PPA2: variants seen among roughly 807,000 people sequenced by gnomAD.
PPA2 encodes the protein inorganic pyrophosphatase 2, mitochondrial.
Under a neutral mutation model 49.5 loss-of-function variants are expected in PPA2, and 48 were observed. That is an observed-to-expected ratio of 0.97 (90% CI 0.77 to 1.23). PPA2 has a LOEUF of 1.23. PPA2 is among the 50% of genes most tolerant of loss of function. The pLI, the probability that PPA2 is intolerant of heterozygous loss-of-function variation, is 0.00. For missense variants in PPA2, 429 were observed against 410.1 expected (o/e 1.05, Z -0.40); for synonymous variants, 131 against 139.9 (o/e 0.94, Z 0.45).
At chr4:105,419,466 G>A (rs993446957) in intron 7 of PPA2, among the ~76,000 whole-genome samples, 7 of 152,164 alleles carry the variant, frequency 4.6e-5, no homozygotes, top group Admixed American at 6.5e-5. Context: ...GGAATACAAC[G>A]AGTTTCATTT....
chr4:105,442,935 T>C (rs1388919225), intron 5 of PPA2, among the ~76,000 whole-genome samples: 1 of 152,196 alleles, frequency 6.6e-6, no homozygotes, highest in Non-Finnish European at 1.5e-5. Flanking sequence ...CACAATGCAT[T>C]AATTTATTCA....
chr4:105,417,268 G>A (rs1022668612), intron 7 of PPA2, among the ~76,000 whole-genome samples: 7 of 151,950 alleles, frequency 4.6e-5, no homozygotes, highest in African/African-American at 7.3e-5. Flanking sequence ...ATTTAAACTG[G>A]GTTTCCCACA....
At position 105,424,062 on chromosome 4, in the gene PPA2, T is replaced by G. The variant is rs768788082; in HGVS notation, c.655+134A>C. ...TGTACTTTCTTCATTTAAAATATAA[T>G]TTGTCTATCTACATCTTTTCCTCTC... On this transcript the variant is annotated intron_variant, in intron 7 of 11. Transcript: ENST00000341695. 157 of 889,518 alleles carry G rather than the reference T, an allele frequency of 1.8e-4. 1 individual carries two copies. Among genetic ancestry groups the G allele is most frequent in the Non-Finnish European group, 2.3e-4 (138 of 595,634 alleles). The allele number at this position is 889,518 out of a possible 1,614,324, so 55.1% of individuals were successfully genotyped here. A position where few individuals can be genotyped will look rare whatever the true frequency, so the allele number is the denominator to read the frequency against.
chr4:105,456,275 C>T (rs1282831429), intron 2 of PPA2: 2 of 465,848 alleles, frequency 4.3e-6, no homozygotes, highest in Non-Finnish European at 8.6e-6. Flanking sequence ...TATAAAAATG[C>T]CTTGAGCCTC....
At chr4:105,378,208 G>A (rs1733335986) in intron 10 of PPA2, among the ~76,000 whole-genome samples, 1 of 152,094 alleles carries the variant, frequency 6.6e-6, no homozygotes, top group South Asian at 2.1e-4. Context: ...GTTAACAGTT[G>A]GTATGCCTGG....
intron 6 of PPA2, among the ~76,000 whole-genome samples, chr4:105,432,918 G>A (rs1723880809): frequency 1.3e-5 from 2 of 152,072 alleles, no homozygotes; most frequent in African/African-American, 4.8e-5. Flanking sequence ...GTAAGTTTGG[G>A]GAAATTACTT....
chr4:105,408,415 T>C (rs1448313301), intron 7 of PPA2, among the ~76,000 whole-genome samples: 2 of 152,166 alleles, frequency 1.3e-5, no homozygotes, highest in Non-Finnish European at 2.9e-5. Context: ...AAATACGTTT[T>C]CTTTAAAATA....
At chr4:105,448,170 T>A (rs895280561) in intron 4 of PPA2, 3 of 299,874 alleles carry the variant, frequency 1.0e-5, no homozygotes, top group African/African-American at 4.5e-5. Flanking sequence ...TTCTCATAGA[T>A]CCTTGCATCC....
chr4:105,388,577 CACTTTGGGAGGCCAAGGTGGGCAG>C (rs1358715331), intron 9 of PPA2, among the ~76,000 whole-genome samples: 13 of 152,106 alleles, frequency 8.5e-5, no homozygotes, highest in Admixed American at 7.9e-4. Context: ...GTAATCCCAG[CACTTTGGGAGGCCAAGGTGGGCAG>C]ATTACCTGAG....
intron 7 of PPA2, chr4:105,405,393 G>A (rs1289856612): frequency 1.3e-6 from 1 of 780,034 alleles, no homozygotes; most frequent in East Asian, 1.3e-4. Flanking sequence ...TTTAACAACA[G>A]ACACGTTTAC....
chr4:105,460,707 G>C (rs1010590541), intron 1 of PPA2, among the ~76,000 whole-genome samples: 4 of 152,200 alleles, frequency 2.6e-5, no homozygotes, highest in Admixed American at 6.5e-5. Context: ...TTGTTATCAT[G>C]GGGGTAAAAG....
At chr4:105,417,537 T>C (rs1162014270) in intron 7 of PPA2, among the ~76,000 whole-genome samples, 1 of 141,730 alleles carries the variant, frequency 7.1e-6, no homozygotes, top group Non-Finnish European at 1.5e-5. Flanking sequence ...TACTTCACCA[T>C]ATCATGGGAA....
chr4:105,413,456 C>T (rs929526396), intron 7 of PPA2, among the ~76,000 whole-genome samples: 1 of 151,762 alleles, frequency 6.6e-6, no homozygotes, highest in African/African-American at 2.4e-5. Flanking sequence ...TACCCTAGAA[C>T]TTAAAGTATA....
intron 7 of PPA2, among the ~76,000 whole-genome samples, chr4:105,403,837 C>T (rs759346248): frequency 1.6e-4 from 25 of 151,730 alleles, no homozygotes; most frequent in Non-Finnish European, 3.4e-4. Context: ...TTCATATAAC[C>T]AAATTTCCTT....
intron 1 of PPA2, among the ~76,000 whole-genome samples, chr4:105,459,022 C>T (rs1033269492): frequency 6.6e-6 from 1 of 152,022 alleles, no homozygotes; most frequent in African/African-American, 2.4e-5. Context: ...TGGGAAAGTA[C>T]CTAGCACTTA....
chr4:105,374,456 C>T (rs1316129380), intron 10 of PPA2, among the ~76,000 whole-genome samples: 2 of 152,202 alleles, frequency 1.3e-5, no homozygotes, highest in Non-Finnish European at 1.5e-5. Flanking sequence ...AAAAATCCTT[C>T]TCATTATCTT....
At chr4:105,450,688 A>G (rs1722637836) in intron 3 of PPA2, among the ~76,000 whole-genome samples, 1 of 144,490 alleles carries the variant, frequency 6.9e-6, no homozygotes, top group African/African-American at 2.6e-5. Context: ...GCTCACTGCA[A>G]GATCCGCCTC....
chr4:105,393,485 AAATAATAATAATAATAATAATAAT>A (rs57790851), intron 9 of PPA2, among the ~76,000 whole-genome samples: 21 of 132,802 alleles, frequency 1.6e-4, no homozygotes, highest in South Asian at 5.2e-4. Context: ...CACTGTCTCA[AAATAATAATAATAATAATAATAAT>A]AATAATAATA....
In PPA2 at chr4:105,450,601, C is replaced by CTTTTTTTTTTTTTTTTTTTT. The variant is rs575896250; in HGVS notation, c.268-1218_268-1199dup. Among the ~76,000 whole-genome samples the CTTTTTTTTTTTTTTTTTTTT allele has an allele frequency of 4.6e-4, 38 of 82,660 alleles. 3 individuals carry two copies. Among genetic ancestry groups the CTTTTTTTTTTTTTTTTTTTT allele is most frequent in the Non-Finnish European group, 6.5e-4 (28 of 43,406 alleles). The allele number at this position is 82,660 out of a possible 152,430, so 54.2% of individuals were successfully genotyped here. On this transcript the variant is annotated intron_variant, in intron 3 of 11. Transcript: ENST00000341695. ...ATGCTGGCCAGGCTGGTCTGGAATT[C>CTTTTTTTTTTTTTTTTTTTT]TTTTTTTTTTTTTTTTTTTTTTTTG...
Sources: gnomAD v4.1 joint callset for allele counts (sites outside exome capture counted in the v4.1 genomes callset) on GRCh38, gnomAD v4.1.1 for gene constraint, MANE v1.5 for transcripts, NCBI Gene and HGNC (gene_info 2026-07-23, HGNC 2026-07-21) for gene names.